Variants in NXPH1 observed in about 807,000 individuals in gnomAD.
NXPH1 encodes neurexophilin-1.
NXPH1 carries 5 observed loss-of-function variants against 23.7 expected under a neutral mutation model. That is an observed-to-expected ratio of 0.21 (90% CI 0.11 to 0.44). The LOEUF (loss-of-function observed/expected upper bound fraction) is 0.44. Among genes scored for constraint, NXPH1 ranks in the 20% least tolerant of loss-of-function variants. NXPH1 has a pLI of 0.99. For synonymous variants in NXPH1, 144 were observed against 122.2 expected, an observed-to-expected ratio of 1.18 and a Z score of -1.18; for missense variants, 324 against 321.6, an observed-to-expected ratio of 1.01 and a Z score of -0.06.
At chr7:8,546,618 C>A (rs566194157) in intron 2 of NXPH1, among the ~76,000 whole-genome samples, 1 of 151,298 alleles carries the variant, frequency 6.6e-6, no homozygotes, top group Non-Finnish European at 1.5e-5. Flanking sequence ...AGTTCTCAAA[C>A]CACTAACTTA....
intron 2 of NXPH1, among the ~76,000 whole-genome samples, chr7:8,692,975 C>T (rs1261429532): frequency 6.6e-6 from 1 of 152,074 alleles, no homozygotes; most frequent in Non-Finnish European, 1.5e-5. Context: ...TAAGTGAAGT[C>T]TTCCTACAAG....
At chr7:8,561,004 T>C (rs1342454886) in intron 2 of NXPH1, among the ~76,000 whole-genome samples, 1 of 151,604 alleles carries the variant, frequency 6.6e-6, no homozygotes, top group South Asian at 2.1e-4. Flanking sequence ...GATTGAAATA[T>C]TAATGATCAT....
Position 8,712,500 on chromosome 7 carries a change from G to A in NXPH1, c.55-38508G>A, listed in dbSNP as rs1289754781. On this transcript the variant is annotated intron_variant, in intron 2 of 2. Coordinates refer to ENST00000405863, the MANE Select transcript of NXPH1 (RefSeq NM_152745.3). ...TGAAAATTCTTCCCTCTGTGTCTTG[G>A]GAATACAAAAAGAACTGGATGACTA... Among the ~76,000 whole-genome samples, 3 of 151,954 alleles carry A rather than the reference G, an allele frequency of 2.0e-5. No homozygotes were observed. The East Asian group carries it at 5.8e-4, about 29-fold the overall frequency.
intron 2 of NXPH1, among the ~76,000 whole-genome samples, chr7:8,595,545 G>C (rs762329433): frequency 1.4e-4 from 22 of 151,990 alleles, no homozygotes; most frequent in Non-Finnish European, 1.6e-4. Flanking sequence ...GTATGAATTA[G>C]TCATTGGATA....
intron 2 of NXPH1, among the ~76,000 whole-genome samples, chr7:8,602,252 C>T (rs1233254272): frequency 3.3e-5 from 5 of 152,114 alleles, no homozygotes; most frequent in Non-Finnish European, 4.4e-5. Context: ...AAGTGATCCA[C>T]GAATGTGTTC....
chr7:8,467,776 A>T lies in NXPH1; in HGVS notation c.54+32009A>T, dbSNP rs557366147. ...ATAGCAACCTCTTTCAATTTAGAAC[A>T]TTTTATTTAAAGTGAGTAATCATGA... On this transcript the variant is annotated intron_variant, in intron 2 of 2. Coordinates refer to ENST00000405863, the MANE Select transcript of NXPH1 (RefSeq NM_152745.3). Among the ~76,000 whole-genome samples the T allele has an allele frequency of 2.1e-4, 32 of 152,308 alleles. No homozygotes were observed. The South Asian group carries it at 5.8e-3, about 28-fold the overall frequency.
At chr7:8,725,361 G>T (rs1459801152) in intron 2 of NXPH1, among the ~76,000 whole-genome samples, 1 of 151,856 alleles carries the variant, frequency 6.6e-6, no homozygotes, top group Non-Finnish European at 1.5e-5. Context: ...ATGGTGGTGG[G>T]CGCCTGTAGT....
chr7:8,468,468 A>AT lies in NXPH1; in HGVS notation c.54+32705dup, dbSNP rs774996602. ...GTTTTACTATATCTCATTTTAAGAT[A>AT]TTTTGTCCATGAATATAAAATCTTT... On this transcript the variant is annotated intron_variant, in intron 2 of 2. Transcript: ENST00000405863. Among the ~76,000 whole-genome samples, 89 of 152,214 alleles carry AT rather than the reference A, an allele frequency of 5.8e-4. 2 individuals are homozygous for AT. Among genetic ancestry groups the AT allele is most frequent in the South Asian group, 2.7e-3 (13 of 4,832 alleles).
At chr7:8,561,462 C>T (rs1239525531) in intron 2 of NXPH1, among the ~76,000 whole-genome samples, 1 of 151,228 alleles carries the variant, frequency 6.6e-6, no homozygotes, top group Non-Finnish European at 1.5e-5. Flanking sequence ...GAATAGTGTA[C>T]CAAAGAATGT....
intron 2 of NXPH1, among the ~76,000 whole-genome samples, chr7:8,482,009 T>C (rs1190940486): frequency 6.6e-6 from 1 of 152,166 alleles, no homozygotes; most frequent in Admixed American, 6.5e-5. Context: ...GTTGCCTTTT[T>C]ATGGAGCTTC....
intron 2 of NXPH1, among the ~76,000 whole-genome samples, chr7:8,574,438 A>T (rs17151477): frequency 0.31 from 46,942 of 151,818 alleles, 8,381 homozygotes; most frequent in African/African-American, 0.49. Flanking sequence ...AGATGTTTTT[A>T]TGGAGCCATT....
At chr7:8,659,793 TTG>T (rs1562445929) in intron 2 of NXPH1, among the ~76,000 whole-genome samples, 1 of 152,106 alleles carries the variant, frequency 6.6e-6, no homozygotes, top group South Asian at 2.1e-4. Flanking sequence ...TAGAAATGCA[TTG>T]TGTTATTTTT....
chr7:8,578,306 G>A (rs888985823), intron 2 of NXPH1, among the ~76,000 whole-genome samples: 1 of 152,142 alleles, frequency 6.6e-6, no homozygotes, highest in Non-Finnish European at 1.5e-5. Flanking sequence ...TCCATTGAAT[G>A]TGTCTCCCTT....
intron 2 of NXPH1, among the ~76,000 whole-genome samples, chr7:8,546,489 C>T (rs1818199507): frequency 6.6e-6 from 1 of 151,360 alleles, no homozygotes; most frequent in South Asian, 2.1e-4. Context: ...CTTAGAGTCA[C>T]TGAGTGTTCT....
intron 2 of NXPH1, among the ~76,000 whole-genome samples, chr7:8,452,955 T>C (rs1316764067): frequency 2.0e-5 from 3 of 152,082 alleles, no homozygotes; most frequent in Admixed American, 6.6e-5. Context: ...ACTTCCTAGT[T>C]TGCTTTTCTG....
intron 2 of NXPH1, among the ~76,000 whole-genome samples, chr7:8,606,579 A>T (rs1441060916): frequency 2.0e-5 from 3 of 152,216 alleles, no homozygotes; most frequent in Non-Finnish European, 2.9e-5. Context: ...AATTTCTGCC[A>T]GGCATTGGAA....
rs563030550 is a variant in NXPH1 at position 8,660,431 on chromosome 7, T to C, written c.55-90577T>C. On this transcript the variant is annotated intron_variant, in intron 2 of 2. Transcript: ENST00000405863. ...TGAAAAGAGACACTAAGCAAAAGCA[T>C]AGTATTTTTTGCTAAAACAACTACT... is the stretch of plus-strand genomic sequence containing the variant. Among the ~76,000 whole-genome samples, 924 of 152,298 alleles carry C rather than the reference T, an allele frequency of 6.1e-3. 13 individuals are homozygous for C. The highest frequency in any genetic ancestry group is 0.021 in the African/African-American group (865 of 41,570).
chr7:8,572,309 T>A (rs894711164), intron 2 of NXPH1, among the ~76,000 whole-genome samples: 1 of 151,978 alleles, frequency 6.6e-6, no homozygotes, highest in South Asian at 2.1e-4. Context: ...CTGAGAATTT[T>A]GTAAAACATT....
chr7:8,632,096 G>A (rs969279311), intron 2 of NXPH1, among the ~76,000 whole-genome samples: 1 of 152,108 alleles, frequency 6.6e-6, no homozygotes, highest in Non-Finnish European at 1.5e-5. Flanking sequence ...GCCATTCAGG[G>A]AGCGTCCATC....
Sources: allele counts gnomAD v4.1 joint callset (sites outside exome capture counted in the v4.1 genomes callset), GRCh38; gene constraint gnomAD v4.1.1; transcripts MANE v1.5; gene names NCBI Gene and HGNC (gene_info 2026-07-23, HGNC 2026-07-21).